GRM8: variants seen among roughly 807,000 people sequenced by gnomAD.
GRM8 encodes the protein glutamate metabotropic receptor 8.
In GRM8, 47 loss-of-function variants were observed where a neutral mutation model predicts 87.2. The observed-to-expected ratio is 0.54, with a 90% CI of 0.43 to 0.69. The LOEUF is 0.69. Among genes scored for constraint, GRM8 ranks in the 30% least tolerant of loss-of-function variants. The pLI, the probability that GRM8 is intolerant of heterozygous loss-of-function variation, is 0.00. For missense variants in GRM8, 1,019 were observed against 1,139.2 expected, an observed-to-expected ratio of 0.89 and a Z score of 1.52; for synonymous variants, 396 against 404.5, an observed-to-expected ratio of 0.98 and a Z score of 0.25.
chr7:126,723,290 T>G (rs1050715981), intron 7 of GRM8, among the ~76,000 whole-genome samples: 1 of 152,076 alleles, frequency 6.6e-6, no homozygotes, highest in Non-Finnish European at 1.5e-5. Context: ...TTACATTTCT[T>G]TATTTCACCT....
chr7:126,546,494 C>T (rs915308851), intron 8 of GRM8, among the ~76,000 whole-genome samples: 1 of 152,098 alleles, frequency 6.6e-6, no homozygotes, highest in Non-Finnish European at 1.5e-5. Flanking sequence ...TTAAAATAAT[C>T]GTCCAAGTGA....
intron 3 of GRM8, among the ~76,000 whole-genome samples, chr7:126,964,623 T>C (rs974972937): frequency 6.6e-6 from 1 of 152,074 alleles, no homozygotes; most frequent in Non-Finnish European, 1.5e-5. Context: ...CATCTCACAC[T>C]AGTTAGAATG....
At chr7:127,202,610 T>C (rs1795677051) in intron 2 of GRM8, among the ~76,000 whole-genome samples, 1 of 152,316 alleles carries the variant, frequency 6.6e-6, no homozygotes, top group Non-Finnish European at 1.5e-5. Context: ...ACAATAATCC[T>C]ACATGGTACT....
At chr7:127,165,550 T>A (rs1432739167) in intron 2 of GRM8, among the ~76,000 whole-genome samples, 2 of 152,080 alleles carry the variant, frequency 1.3e-5, no homozygotes, top group Non-Finnish European at 2.9e-5. Flanking sequence ...ATCTTCCTCA[T>A]GTTGTCTTCC....
intron 3 of GRM8, among the ~76,000 whole-genome samples, chr7:127,002,397 C>T (rs980214528): frequency 1.3e-5 from 2 of 151,604 alleles, no homozygotes; most frequent in Non-Finnish European, 3.0e-5. Context: ...AAAATTTCTT[C>T]CTCCTACCCA....
chr7:126,499,788 G>A (rs1281134568), intron 9 of GRM8, among the ~76,000 whole-genome samples: 1 of 151,942 alleles, frequency 6.6e-6, no homozygotes, highest in Non-Finnish European at 1.5e-5. Flanking sequence ...GGTTACCAGA[G>A]GCTGGGGGGA....
At chr7:126,855,388 C>T (rs922526613) in intron 6 of GRM8, among the ~76,000 whole-genome samples, 1 of 151,946 alleles carries the variant, frequency 6.6e-6, no homozygotes, top group Non-Finnish European at 1.5e-5. Context: ...AAAACTAAGT[C>T]TCAGAACAGC....
intron 6 of GRM8, among the ~76,000 whole-genome samples, chr7:126,877,837 T>C (rs1466176721): frequency 6.6e-6 from 1 of 152,242 alleles, no homozygotes; most frequent in Non-Finnish European, 1.5e-5. Flanking sequence ...GATATAATCT[T>C]TGAAGAGTTG....
intron 9 of GRM8, among the ~76,000 whole-genome samples, chr7:126,527,982 G>A (rs181086307): frequency 6.6e-6 from 1 of 152,176 alleles, no homozygotes; most frequent in Non-Finnish European, 1.5e-5. Flanking sequence ...AAGGCGGGCG[G>A]ATCATGAGGT....
chr7:127,101,327 C>T (rs1270141121), intron 3 of GRM8, among the ~76,000 whole-genome samples: 1 of 152,042 alleles, frequency 6.6e-6, no homozygotes, highest in Admixed American at 6.6e-5. Flanking sequence ...CTGATAGATC[C>T]CCCTCTCCTC....
intron 7 of GRM8, among the ~76,000 whole-genome samples, chr7:126,705,447 A>G (rs191583387): frequency 6.6e-6 from 1 of 152,208 alleles, no homozygotes; most frequent in Admixed American, 6.5e-5. Context: ...CTAAACAAAC[A>G]TTTTATCTCC....
At chr7:127,053,192 CACTG>C (rs765653113) in intron 3 of GRM8, among the ~76,000 whole-genome samples, 13 of 152,100 alleles carry the variant, frequency 8.5e-5, no homozygotes, top group Non-Finnish European at 1.6e-4. Flanking sequence ...CTCTAAAATT[CACTG>C]ACTAAGTGGT....
intron 2 of GRM8, among the ~76,000 whole-genome samples, chr7:127,217,920 G>A (rs559188155): frequency 7.2e-5 from 11 of 152,144 alleles, no homozygotes; most frequent in African/African-American, 1.9e-4. Context: ...TGCACATGCC[G>A]CCTCTGGCCA....
At chr7:127,044,821 G>A (rs1215920237) in intron 3 of GRM8, among the ~76,000 whole-genome samples, 1 of 152,138 alleles carries the variant, frequency 6.6e-6, no homozygotes, top group Non-Finnish European at 1.5e-5. Flanking sequence ...TGCTTTAAGT[G>A]TATTATTTTC....
intron 8 of GRM8, among the ~76,000 whole-genome samples, chr7:126,550,483 T>G (rs1792474189): frequency 6.6e-6 from 1 of 152,198 alleles, no homozygotes; most frequent in Non-Finnish European, 1.5e-5. Flanking sequence ...AAACTTTGTT[T>G]AGGCCACATT....
At chr7:126,653,255 T>C (rs1489131291) in intron 7 of GRM8, among the ~76,000 whole-genome samples, 1 of 145,332 alleles carries the variant, frequency 6.9e-6, no homozygotes, top group Non-Finnish European at 1.5e-5. Context: ...TGAGCTACGA[T>C]TGCCACTGCA....
At chr7:126,758,355 A>G (rs998814681) in intron 7 of GRM8, among the ~76,000 whole-genome samples, 3 of 152,212 alleles carry the variant, frequency 2.0e-5, no homozygotes, top group Admixed American at 1.3e-4. Context: ...AGATGAGGCC[A>G]TAAAGGCTTA....
intron 7 of GRM8, among the ~76,000 whole-genome samples, chr7:126,712,219 C>T (rs1374388801): frequency 1.3e-5 from 2 of 151,936 alleles, no homozygotes; most frequent in Admixed American, 6.6e-5. Context: ...TTACAGAATA[C>T]GGAGGCCCAA....
chr7:127,118,372 G>A (rs1012687199), intron 2 of GRM8: 4 of 152,174 alleles, frequency 2.6e-5, no homozygotes, highest in Admixed American at 2.6e-4. Flanking sequence ...GTTCCTCTGA[G>A]AAGGCATCAT....
Sources: allele counts gnomAD v4.1 joint callset (sites outside exome capture counted in the v4.1 genomes callset), GRCh38; gene constraint gnomAD v4.1.1; transcripts MANE v1.5; gene names NCBI Gene and HGNC (gene_info 2026-07-23, HGNC 2026-07-21).